ATOSA: variants seen among roughly 807,000 people sequenced by gnomAD.
ATOSA encodes atos homolog A.
chr15:52,689,616 C>T, the ATOSA span, among the ~76,000 whole-genome samples: 1 of 152,206 alleles, frequency 6.6e-6, no homozygotes, highest in African/African-American at 2.4e-5. Flanking sequence ...GTGACCCTAA[C>T]TCCCCTGGTC....
the ATOSA span, among the ~76,000 whole-genome samples, chr15:52,696,857 A>G: frequency 6.6e-6 from 1 of 151,350 alleles, no homozygotes. Context: ...AAGATTAAAT[A>G]TATAATATTT....
At chr15:52,704,700 A>C in the ATOSA span, among the ~76,000 whole-genome samples, 1 of 152,246 alleles carries the variant, frequency 6.6e-6, no homozygotes, top group East Asian at 1.9e-4. Context: ...GGCAAAAGAT[A>C]TGAACAGACA....
At chr15:52,641,360 C>CTATGG in the ATOSA span, among the ~76,000 whole-genome samples, 3 of 152,224 alleles carry the variant, frequency 2.0e-5, no homozygotes, top group Non-Finnish European at 4.4e-5. Context: ...CCCTACAGTG[C>CTATGG]TATGGGGTCT....
the ATOSA span, among the ~76,000 whole-genome samples, chr15:52,646,104 G>A: frequency 6.6e-6 from 1 of 152,100 alleles, no homozygotes; most frequent in East Asian, 1.9e-4. Context: ...AATACATTCT[G>A]TCCTTTCAAC....
chr15:52,594,494 GATTA>G, the ATOSA span, among the ~76,000 whole-genome samples: 14 of 152,108 alleles, frequency 9.2e-5, no homozygotes, highest in Admixed American at 6.5e-4. Flanking sequence ...GCATTCCTTT[GATTA>G]ATTCTTTGAA....
the ATOSA span, chr15:52,656,428 A>C: frequency 6.6e-6 from 1 of 152,070 alleles, no homozygotes; most frequent in Admixed American, 6.6e-5. Context: ...GTACAAATAA[A>C]CCAAATGGCC....
At chr15:52,622,224 G>A in the ATOSA span, among the ~76,000 whole-genome samples, 1 of 152,040 alleles carries the variant, frequency 6.6e-6, no homozygotes, top group African/African-American at 2.4e-5. Flanking sequence ...ACAGTATACT[G>A]GTTCTGGTAT....
the ATOSA span, among the ~76,000 whole-genome samples, chr15:52,597,165 G>GTTCTATTCTATTCTATTCTA: frequency 6.9e-4 from 17 of 24,742 alleles, no homozygotes; most frequent in African/African-American, 2.0e-3. Flanking sequence ...GTTCTGTTCT[G>GTTCTATTCTATTCTATTCTA]TTCTATTCTA....
chr15:52,642,592 A>C, the ATOSA span, among the ~76,000 whole-genome samples: 1 of 152,202 alleles, frequency 6.6e-6, no homozygotes, highest in Non-Finnish European at 1.5e-5. Flanking sequence ...TGGCCAGAGT[A>C]CAAAACTTGT....
chr15:52,696,559 T>C, the ATOSA span, among the ~76,000 whole-genome samples: 22 of 152,134 alleles, frequency 1.4e-4, no homozygotes, highest in African/African-American at 5.3e-4. Flanking sequence ...TTGATTTTCA[T>C]TTACATCTAA....
chr15:52,587,162 T>C, the ATOSA span: 22 of 1,613,646 alleles, frequency 1.4e-5, no homozygotes, highest in Non-Finnish European at 1.9e-5. Context: ...ACTTGTATTG[T>C]TCCTGAAGGA....
the ATOSA span, among the ~76,000 whole-genome samples, chr15:52,670,008 A>G: frequency 2.6e-5 from 4 of 152,184 alleles, no homozygotes; most frequent in African/African-American, 7.2e-5. Flanking sequence ...ATGCTGCTCT[A>G]AACTGTTCAT....
At chr15:52,662,134 T>C in the ATOSA span, among the ~76,000 whole-genome samples, 1 of 152,126 alleles carries the variant, frequency 6.6e-6, no homozygotes, top group Non-Finnish European at 1.5e-5. Flanking sequence ...TCTACCACAA[T>C]ATACTGAACA....
chr15:52,674,603 T>C, the ATOSA span, among the ~76,000 whole-genome samples: 1 of 152,230 alleles, frequency 6.6e-6, no homozygotes, highest in African/African-American at 2.4e-5. Flanking sequence ...ACATTATACA[T>C]ATACTGCAAG....
chr15:52,611,215 C>T, the ATOSA span: 1 of 1,613,624 alleles, frequency 6.2e-7, no homozygotes, highest in Non-Finnish European at 8.5e-7. Context: ...GAGCGGACAG[C>T]CAACAGAAGC....
chr15:52,709,665 C>A, the ATOSA span: 1 of 152,876 alleles, frequency 6.5e-6, no homozygotes. Flanking sequence ...CATCACTTCC[C>A]ATCTCTTATC....
At chr15:52,661,112 GATTTA>G in the ATOSA span, among the ~76,000 whole-genome samples, 12 of 152,134 alleles carry the variant, frequency 7.9e-5, no homozygotes, top group African/African-American at 2.2e-4. Flanking sequence ...ACCATTTCCT[GATTTA>G]ATTTGACAAT....
At chr15:52,635,702 A>C in the ATOSA span, among the ~76,000 whole-genome samples, 2 of 151,978 alleles carry the variant, frequency 1.3e-5, no homozygotes, top group East Asian at 1.9e-4. Flanking sequence ...TCTCAAAAAA[A>C]ATAAATCAAA....
At chr15:52,683,863 A>G in the ATOSA span, among the ~76,000 whole-genome samples, 1 of 152,210 alleles carries the variant, frequency 6.6e-6, no homozygotes, top group Non-Finnish European at 1.5e-5. Context: ...GCCCTACATG[A>G]GATCCCTCCC....
Sources: allele counts gnomAD v4.1 joint callset (sites outside exome capture counted in the v4.1 genomes callset), GRCh38; gene constraint gnomAD v4.1.1; transcripts MANE v1.5; gene names NCBI Gene and HGNC (gene_info 2026-07-23, HGNC 2026-07-21).